Variants in FANCC observed in about 807,000 individuals in gnomAD.
FANCC encodes the protein FA complementation group C.
FANCC carries 55 observed loss-of-function variants against 71.3 expected under a neutral mutation model. That is an observed-to-expected ratio of 0.77 (90% CI 0.62 to 0.97). The LOEUF is 0.97. Among genes scored for constraint, FANCC ranks in the 50% least tolerant of loss-of-function variants. The pLI is 0.00. For missense variants in FANCC, 678 were observed against 670.9 expected (o/e 1.01, Z -0.12); for synonymous variants, 275 against 244.9 (o/e 1.12, Z -1.15).
At chr9:95,297,017 G>A (rs1157862481) in intron 1 of FANCC, among the ~76,000 whole-genome samples, 7 of 152,178 alleles carry the variant, frequency 4.6e-5, no homozygotes, top group Admixed American at 2.6e-4. Context: ...AAACTGCAGA[G>A]TGAGAAGTGT....
Position 95,316,445 on chromosome 9 carries a change from G to A in FANCC, c.-79+1081C>T, listed in dbSNP as rs4647357. ...CCTTTCAGGGGAGTAAGGAGAAAAC[G>A]ATCTGTCTGAGGGCATATCACTGAC... On this transcript the variant is annotated intron_variant, in intron 1 of 14. Coordinates refer to ENST00000289081, the MANE Select transcript of FANCC (RefSeq NM_000136.3). Among the ~76,000 whole-genome samples the A allele has an allele frequency of 7.5e-3, 1,139 of 152,320 alleles. 9 individuals carry two copies. The highest frequency in any genetic ancestry group is 0.011 in the Non-Finnish European group (743 of 68,040).
At chr9:95,214,389 A>G (rs1828717931) in intron 4 of FANCC, among the ~76,000 whole-genome samples, 1 of 152,188 alleles carries the variant, frequency 6.6e-6, no homozygotes, top group Non-Finnish European at 1.5e-5. Flanking sequence ...CCATGATCAC[A>G]TTACTGCACT....
chr9:95,101,337 G>T lies in FANCC; in HGVS notation c.*370C>A. On this transcript the variant is annotated 3_prime_UTR_variant, in exon 15 of 15. Coordinates refer to ENST00000289081, the MANE Select transcript of FANCC (RefSeq NM_000136.3). Reference sequence around the variant, plus strand: ...TTAATGGTTCATGACCAAATTCTTGGTTCTAAGACTTTGAATTTTTAAATA... The same window carrying T: ...TTAATGGTTCATGACCAAATTCTTGTTTCTAAGACTTTGAATTTTTAAATA... The T allele has an allele frequency of 2.6e-6, 1 of 380,304 alleles. No individual in the cohort carries two copies. Among genetic ancestry groups the T allele is most frequent in the East Asian group, 4.2e-5 (1 of 23,552 alleles). The allele number at this position is 380,304 out of a possible 1,614,324, so 23.6% of individuals were successfully genotyped here.
chr9:95,146,268 C>G (rs956290061), intron 7 of FANCC, among the ~76,000 whole-genome samples: 4 of 151,948 alleles, frequency 2.6e-5, no homozygotes, highest in African/African-American at 9.7e-5. Flanking sequence ...AGGCAGACTC[C>G]TTGAGCCCAG....
chr9:95,260,337 A>G (rs1368442345), intron 1 of FANCC, among the ~76,000 whole-genome samples: 1 of 152,246 alleles, frequency 6.6e-6, no homozygotes, highest in Non-Finnish European at 1.5e-5. Flanking sequence ...TGGCACATAT[A>G]CACCATGGAA....
intron 1 of FANCC, chr9:95,292,292 A>G: frequency 2.5e-6 from 1 of 395,684 alleles, no homozygotes; most frequent in Non-Finnish European, 3.5e-6. Flanking sequence ...ACCACTTAGA[A>G]AAATCAACAC....
At chr9:95,179,398 G>A (rs1002616032) in intron 4 of FANCC, among the ~76,000 whole-genome samples, 17 of 152,160 alleles carry the variant, frequency 1.1e-4, no homozygotes, top group South Asian at 1.0e-3. Flanking sequence ...CCAGGCTGGC[G>A]TGCAATGGCA....
At chr9:95,116,878 C>T (rs1279479024) in intron 11 of FANCC, among the ~76,000 whole-genome samples, 3 of 152,192 alleles carry the variant, frequency 2.0e-5, no homozygotes, top group Non-Finnish European at 4.4e-5. Context: ...GGAAACTTCC[C>T]CTGCATTTCC....
In FANCC at chr9:95,125,171, T is replaced by C; in HGVS notation, c.911A>G (p.Glu304Gly). The part of the protein sequence containing the change: ...VDEMFRCALL[E>G]TDGALEIIAT... The stretch of plus-strand genomic sequence containing the variant: ...TATGATTTCCAGGGCCCCATCGGTT[T>C]CCAGGAGTGCACACCTGAACAATGC... The change falls in exon 10 of 15, where the codon GAA becomes GGA. Residue 304 changes from glutamate (E) to glycine (G), a missense_variant. By Grantham distance (98) the Glu-to-Gly change is moderately conservative. Transcript: ENST00000289081. 6.2e-7 allele frequency: 1 copy of C among 1,614,130 alleles called. No homozygotes were observed.
intron 6 of FANCC, among the ~76,000 whole-genome samples, chr9:95,153,634 T>G (rs955071552): frequency 6.6e-6 from 1 of 152,206 alleles, no homozygotes; most frequent in Non-Finnish European, 1.5e-5. Flanking sequence ...TTTTGAGAAA[T>G]ATCTATCATA....
chr9:95,198,102 G>A (rs1319838080), intron 4 of FANCC, among the ~76,000 whole-genome samples: 1 of 152,142 alleles, frequency 6.6e-6, no homozygotes, highest in African/African-American at 2.4e-5. Flanking sequence ...AGGCCCCTAA[G>A]CCAGCACTCG....
chr9:95,104,667 C>A (rs754257156), intron 14 of FANCC, among the ~76,000 whole-genome samples: 10 of 152,178 alleles, frequency 6.6e-5, no homozygotes, highest in Admixed American at 2.0e-4. Flanking sequence ...GAAGCAGAGA[C>A]CTGGGTGTCT....
intron 8 of FANCC, among the ~76,000 whole-genome samples, chr9:95,129,969 C>T (rs977308429): frequency 3.3e-5 from 5 of 152,154 alleles, no homozygotes; most frequent in African/African-American, 9.7e-5. Flanking sequence ...TCCCCTCCAC[C>T]TAGAAAGAAA....
chr9:95,149,124 T>C (rs1165183765), intron 7 of FANCC, among the ~76,000 whole-genome samples: 9 of 152,188 alleles, frequency 5.9e-5, no homozygotes, highest in African/African-American at 2.2e-4. Context: ...AAATAAGCTA[T>C]TTGTGTTAAC....
chr9:95,108,202 G>C (rs2071608965), intron 13 of FANCC, among the ~76,000 whole-genome samples: 1 of 152,170 alleles, frequency 6.6e-6, no homozygotes, highest in Admixed American at 6.5e-5. Context: ...CAGTACACTG[G>C]GTGTGTTGTG....
chr9:95,203,834 C>T (rs994872743), intron 4 of FANCC, among the ~76,000 whole-genome samples: 12 of 152,144 alleles, frequency 7.9e-5, no homozygotes, highest in Admixed American at 2.0e-4. Flanking sequence ...CTATCTGTTG[C>T]GGCATTCAAT....
intron 3 of FANCC, among the ~76,000 whole-genome samples, chr9:95,241,216 CTTTTAATT>C (rs1434977211): frequency 6.6e-6 from 1 of 152,134 alleles, no homozygotes; most frequent in Non-Finnish European, 1.5e-5. Context: ...GTGATTTAAT[CTTTTAATT>C]TTTTAATTTG....
At chr9:95,289,355 G>A (rs1833873565) in intron 1 of FANCC, among the ~76,000 whole-genome samples, 1 of 152,126 alleles carries the variant, frequency 6.6e-6, no homozygotes, top group African/African-American at 2.4e-5. Context: ...CAATCACGGA[G>A]TATTTGCACA....
intron 1 of FANCC, among the ~76,000 whole-genome samples, chr9:95,264,892 C>T (rs1832294988): frequency 6.6e-6 from 1 of 151,892 alleles, no homozygotes; most frequent in South Asian, 2.1e-4. Flanking sequence ...TGATGAAAGC[C>T]TGATAACTAT....
Sources: gnomAD v4.1 joint callset for allele counts (sites outside exome capture counted in the v4.1 genomes callset) on GRCh38, gnomAD v4.1.1 for gene constraint, MANE v1.5 for transcripts, NCBI Gene and HGNC (gene_info 2026-07-23, HGNC 2026-07-21) for gene names.